The following CAB39 variants were observed in gnomAD, a reference collection of about 807,000 sequenced individuals.
The protein encoded by CAB39 is calcium-binding protein 39.
Under a neutral mutation model 40.0 loss-of-function variants are expected in CAB39, and 8 were observed. That is an observed-to-expected ratio of 0.20 (90% CI 0.12 to 0.36). CAB39 has a LOEUF of 0.36. Ranked by LOEUF, CAB39 falls within the 10% of genes least tolerant of loss-of-function variation. The pLI, the probability that CAB39 is intolerant of heterozygous loss-of-function variation, is 1.00. For synonymous variants in CAB39, 156 were observed against 141.6 expected (o/e 1.10, Z -0.72); for missense variants, 270 against 401.1 (o/e 0.67, Z 2.79).
intron 1 of CAB39, among the ~76,000 whole-genome samples, chr2:230,759,010 A>G (rs904380329): frequency 1.3e-5 from 2 of 152,110 alleles, no homozygotes; most frequent in African/African-American, 4.8e-5. Flanking sequence ...CTTTTGGATG[A>G]TGTAATACTG....
intron 1 of CAB39, among the ~76,000 whole-genome samples, chr2:230,746,567 A>G (rs1694981548): frequency 6.6e-6 from 1 of 152,240 alleles, no homozygotes; most frequent in Non-Finnish European, 1.5e-5. Flanking sequence ...TTCATGGTAT[A>G]AACAGTATTC....
chr2:230,802,779 C>CA (rs1696114964), intron 5 of CAB39, among the ~76,000 whole-genome samples: 1 of 152,026 alleles, frequency 6.6e-6, no homozygotes, highest in Admixed American at 6.6e-5. Flanking sequence ...GACTGTCAAC[C>CA]AAAAAAACTC....
intron 1 of CAB39, among the ~76,000 whole-genome samples, chr2:230,749,139 A>G (rs1476852222): frequency 6.6e-6 from 1 of 151,516 alleles, no homozygotes; most frequent in Non-Finnish European, 1.5e-5. Context: ...ATTCTTATAT[A>G]TACATATGTT....
intron 2 of CAB39, among the ~76,000 whole-genome samples, chr2:230,767,685 A>C (rs537890321): frequency 2.8e-4 from 42 of 152,188 alleles, no homozygotes; most frequent in Admixed American, 9.2e-4. Context: ...TTTACTGTCT[A>C]TTCCTTTACA....
chr2:230,752,160 A>G (rs374730464), intron 1 of CAB39: 2 of 151,214 alleles, frequency 1.3e-5, no homozygotes, highest in Non-Finnish European at 1.5e-5. Flanking sequence ...TTGGCAGCAC[A>G]TACCCTAAAA....
chr2:230,797,797 G>T (rs1260402356), intron 4 of CAB39, among the ~76,000 whole-genome samples: 6 of 152,152 alleles, frequency 3.9e-5, no homozygotes, highest in African/African-American at 7.2e-5. Context: ...TTTTATTTTG[G>T]TTTTTTACAG....
intron 2 of CAB39, 123 bp from the exon 3 acceptor site, chr2:230,790,749 T>C (rs1383054458): frequency 1.2e-6 from 1 of 810,414 alleles, no homozygotes; most frequent in Non-Finnish European, 2.0e-6. Context: ...CCCACTTTGC[T>C]TCTTGTTCAT....
chr2:230,732,972 A>T (rs1045983239), intron 1 of CAB39, among the ~76,000 whole-genome samples: 3 of 152,196 alleles, frequency 2.0e-5, no homozygotes, highest in Non-Finnish European at 4.4e-5. Context: ...ATTAAAAAAA[A>T]TTTTAAATAT....
At chr2:230,795,976 G>T (rs1349377108) in intron 4 of CAB39, among the ~76,000 whole-genome samples, 1 of 152,064 alleles carries the variant, frequency 6.6e-6, no homozygotes. Flanking sequence ...ATCCATTCCA[G>T]TCATTACTTT....
intron 1 of CAB39, among the ~76,000 whole-genome samples, chr2:230,715,749 C>T (rs2124843479): frequency 6.6e-6 from 1 of 152,336 alleles, no homozygotes; most frequent in Non-Finnish European, 1.5e-5. Context: ...GTCGCTCAGG[C>T]CGGAGTGCAG....
chr2:230,798,991 G>T, intron 5 of CAB39, 94 bp downstream of exon 5: 2 of 876,842 alleles, frequency 2.3e-6, no homozygotes, highest in Non-Finnish European at 3.4e-6. Flanking sequence ...ACACGTGGCT[G>T]CCCTCTAGTG....
At chr2:230,817,410 C>T (rs1696420365) in intron 7 of CAB39, among the ~76,000 whole-genome samples, 1 of 152,056 alleles carries the variant, frequency 6.6e-6, no homozygotes, top group Non-Finnish European at 1.5e-5. Flanking sequence ...AACTTTTGAC[C>T]ATTTTCTTGA....
intron 6 of CAB39, among the ~76,000 whole-genome samples, chr2:230,811,955 G>A (rs1696313012): frequency 6.6e-6 from 1 of 152,168 alleles, no homozygotes; most frequent in Non-Finnish European, 1.5e-5. Context: ...ACATATGTGA[G>A]GCAACAAATC....
In CAB39 at chr2:230,741,484, A is replaced by G. The variant is rs142234009; in HGVS notation, c.-43-18475A>G. 4.0e-4 allele frequency among the ~76,000 whole-genome samples: 61 copies of G among 152,268 alleles called. No homozygotes were observed. In the East Asian group the frequency reaches 0.011, roughly 28 times the overall value. On this transcript the variant is annotated intron_variant, in intron 1 of 8. Coordinates refer to ENST00000258418, the MANE Select transcript of CAB39 (RefSeq NM_016289.4). ...CCCCTGGCTTGGCTTGGACTGGGAT[A>G]AGGTCTAGGAATGGGAATTTATTTT...
At chr2:230,818,036 C>CT in intron 8 of CAB39, 139 bp downstream of exon 8, 5 of 761,868 alleles carry the variant, frequency 6.6e-6, no homozygotes, top group Non-Finnish European at 1.1e-5. Context: ...TATTTGTGTG[C>CT]TATGACTTTT....
intron 6 of CAB39, among the ~76,000 whole-genome samples, chr2:230,811,946 C>T (rs1012718011): frequency 3.9e-5 from 6 of 152,142 alleles, no homozygotes; most frequent in Non-Finnish European, 8.8e-5. Flanking sequence ...TTTAGAAGAA[C>T]ATATGTGAGG....
intron 1 of CAB39, among the ~76,000 whole-genome samples, chr2:230,724,269 A>G (rs1694512608): frequency 6.6e-6 from 1 of 151,704 alleles, no homozygotes; most frequent in Non-Finnish European, 1.5e-5. Flanking sequence ...AGAAGATAGC[A>G]TAAAGGCATA....
intron 1 of CAB39, among the ~76,000 whole-genome samples, chr2:230,748,094 T>G (rs1334526487): frequency 6.6e-6 from 1 of 152,200 alleles, no homozygotes; most frequent in African/African-American, 2.4e-5. Context: ...TCTTATTATT[T>G]AAGTCTCTGC....
chr2:230,777,375 T>A (rs1234418158), intron 2 of CAB39, among the ~76,000 whole-genome samples: 4 of 150,988 alleles, frequency 2.6e-5, no homozygotes, highest in Admixed American at 6.6e-5. Context: ...TTTTTTTTTT[T>A]AATTTTAAAT....
Sources: gnomAD v4.1 joint callset for allele counts (sites outside exome capture counted in the v4.1 genomes callset) on GRCh38, gnomAD v4.1.1 for gene constraint, MANE v1.5 for transcripts, NCBI Gene and HGNC (gene_info 2026-07-23, HGNC 2026-07-21) for gene names.